The following CTXN2 variants were observed in gnomAD, a reference collection of about 807,000 sequenced individuals.
CTXN2 encodes cortexin 2, also known as cortexin-2.
A neutral mutation model predicts 5.7 loss-of-function variants in CTXN2; 3 were observed. That is an observed-to-expected ratio of 0.53 (90% CI 0.24 to 1.36). The LOEUF is 1.36. Ranked by LOEUF, CTXN2 falls within the 40% of genes most tolerant of loss-of-function variation. The pLI is 0.17. For synonymous variants in CTXN2, 38 were observed against 36.4 expected (o/e 1.04, Z -0.16); for missense variants, 87 against 93.0 (o/e 0.94, Z 0.26).
At chr15:48,194,086 A>G (rs188954692) in intron 1 of CTXN2, among the ~76,000 whole-genome samples, 1 of 152,230 alleles carries the variant, frequency 6.6e-6, no homozygotes, top group African/African-American at 2.4e-5. Flanking sequence ...TTTGAATATT[A>G]CTTTTTCAGT....
chr15:48,185,724 G>T (rs1258814308), intron 1 of CTXN2, among the ~76,000 whole-genome samples: 1 of 152,158 alleles, frequency 6.6e-6, no homozygotes. Flanking sequence ...ACAAAGATCA[G>T]GAAGAATTGT....
chr15:48,191,660 C>T (rs1381751413), upstream of CTXN2: 1 of 451,678 alleles, frequency 2.2e-6, no homozygotes, highest in Admixed American at 2.4e-5. Context: ...GCGCCCACGT[C>T]CTCTGTCTCA....
intron 1 of CTXN2, among the ~76,000 whole-genome samples, chr15:48,179,405 T>TCACACA (rs910892521): frequency 2.2e-5 from 1 of 44,908 alleles, no homozygotes. Flanking sequence ...AGCTACTTCA[T>TCACACA]CACACACACA....
upstream of CTXN2, among the ~76,000 whole-genome samples, chr15:48,186,909 CAAAA>C (rs751653728): frequency 2.2e-5 from 1 of 44,554 alleles, no homozygotes. Context: ...GACTCCATCT[CAAAA>C]AAAAAAAAAA....
At chr15:48,191,568 C>A (rs1555462447), upstream of CTXN2, 1 of 380,054 alleles carries the variant, frequency 2.6e-6, no homozygotes, top group Admixed American at 3.0e-5. Context: ...CACACGCGAG[C>A]GCAAATATTT....
upstream of CTXN2, chr15:48,191,140 AC>A (rs1305695096): frequency 6.6e-6 from 1 of 152,492 alleles, no homozygotes; most frequent in Non-Finnish European, 1.5e-5. Flanking sequence ...TCCAAACGAC[AC>A]ATTCAGTCTC....
chr15:48,183,157 C>T (rs563293131), intron 1 of CTXN2, among the ~76,000 whole-genome samples: 2 of 152,270 alleles, frequency 1.3e-5, no homozygotes, highest in African/African-American at 2.4e-5. Context: ...TGCTAAGTGT[C>T]AATAGGTAAT....
chr15:48,201,778 G>C lies in CTXN2; in HGVS notation c.*232G>C. On this transcript the variant is annotated 3_prime_UTR_variant, in exon 2 of 2. Coordinates refer to ENST00000417307, the MANE Select transcript of CTXN2 (RefSeq NM_001145668.2). The stretch of plus-strand genomic sequence containing the variant: ...TGAATAGAGCATAAGGATGGCTGCC[G>C]CCATGTTTACCATCTTTATTCTTAT... The C allele has an allele frequency of 1.9e-6, 1 of 516,494 alleles. No homozygotes were observed. The highest frequency in any genetic ancestry group is 3.6e-6 in the Non-Finnish European group (1 of 280,872). 32.0% of individuals were successfully genotyped at this position (516,494 alleles called of 1,614,324 possible).
At chr15:48,187,292 C>G (rs1396126443), upstream of CTXN2, among the ~76,000 whole-genome samples, 1 of 150,532 alleles carries the variant, frequency 6.6e-6, no homozygotes, top group Non-Finnish European at 1.5e-5. Flanking sequence ...AGCTAATTAC[C>G]AAACATCATC....
rs924937221 is a variant in CTXN2, at chr15:48,202,963, T to C, written c.*1417T>C. 6.0e-6 allele frequency: 1 copy of C among 166,362 alleles called. No individual in the cohort carries two copies. Among genetic ancestry groups the C allele is most frequent in the Non-Finnish European group, 1.5e-5 (1 of 68,118 alleles). The allele number at this position is 166,362 out of a possible 1,614,324, so 10.3% of individuals were successfully genotyped here. Reference sequence around the variant, plus strand: ...ATACCATGAAGGAACAAGACTAATATTACCAAGAGGTAGCACTAAGTTAGT... The same window carrying C: ...ATACCATGAAGGAACAAGACTAATACTACCAAGAGGTAGCACTAAGTTAGT... On this transcript the variant is annotated 3_prime_UTR_variant, in exon 2 of 2. Coordinates refer to ENST00000417307, the MANE Select transcript of CTXN2 (RefSeq NM_001145668.2).
At chr15:48,184,506 A>G (rs1202236122) in intron 1 of CTXN2, among the ~76,000 whole-genome samples, 1 of 152,232 alleles carries the variant, frequency 6.6e-6, no homozygotes, top group African/African-American at 2.4e-5. Flanking sequence ...ATATCCAAAA[A>G]CAAAGAAGAT....
intron 1 of CTXN2, among the ~76,000 whole-genome samples, chr15:48,199,049 G>A (rs1348050772): frequency 6.6e-6 from 1 of 152,160 alleles, no homozygotes; most frequent in Non-Finnish European, 1.5e-5. Context: ...CCATGGAAGA[G>A]TGGGGAATTA....
chr15:48,185,088 G>C (rs2040736113), intron 1 of CTXN2, among the ~76,000 whole-genome samples: 1 of 152,076 alleles, frequency 6.6e-6, no homozygotes, highest in Admixed American at 6.6e-5. Flanking sequence ...ATACATTCTG[G>C]AAAAGAGAAA....
chr15:48,182,765 A>C (rs2040710393), intron 1 of CTXN2, among the ~76,000 whole-genome samples: 1 of 152,208 alleles, frequency 6.6e-6, no homozygotes, highest in Non-Finnish European at 1.5e-5. Flanking sequence ...AAAGGATTTA[A>C]TGCATAAAGT....
chr15:48,183,238 A>G (rs1000940659), intron 1 of CTXN2, among the ~76,000 whole-genome samples: 4 of 152,178 alleles, frequency 2.6e-5, no homozygotes, highest in African/African-American at 7.2e-5. Context: ...CAGTTACCCT[A>G]TGTGTGCAAT....
At chr15:48,197,087 C>A (rs538003767) in intron 1 of CTXN2, among the ~76,000 whole-genome samples, 1 of 150,496 alleles carries the variant, frequency 6.6e-6, no homozygotes, top group Non-Finnish European at 1.5e-5. Context: ...AGTAGTTCTG[C>A]CTTTTTTTGT....
In CTXN2 at chr15:48,202,704, C is replaced by T. The variant is rs1305788322; in HGVS notation, c.*1158C>T. 6.0e-6 allele frequency: 1 copy of T among 166,978 alleles called. No homozygotes were observed. Among genetic ancestry groups the T allele is most frequent in the African/African-American group, 2.4e-5 (1 of 41,454 alleles). 10.3% of individuals were successfully genotyped at this position (166,978 alleles called of 1,614,324 possible). A position where few individuals can be genotyped will look rare whatever the true frequency, so the allele number is the denominator to read the frequency against. On this transcript the variant is annotated 3_prime_UTR_variant, in exon 2 of 2. Transcript: ENST00000417307. ...CCTTGCTATCAATATTTATTGTCCTCATCAGTAGCAGTAATAGAGATTCTC... is the reference window on the plus strand; with the variant it reads ...CCTTGCTATCAATATTTATTGTCCTTATCAGTAGCAGTAATAGAGATTCTC...
At chr15:48,197,437 TAGAG>T (rs2040890345) in intron 1 of CTXN2, among the ~76,000 whole-genome samples, 1 of 151,976 alleles carries the variant, frequency 6.6e-6, no homozygotes, top group African/African-American at 2.4e-5. Flanking sequence ...TATGGATATA[TAGAG>T]ATAGATATTT....
intron 1 of CTXN2, among the ~76,000 whole-genome samples, chr15:48,198,154 G>C (rs2040896545): frequency 6.6e-6 from 1 of 152,118 alleles, no homozygotes; most frequent in South Asian, 2.1e-4. Context: ...TAAAAATGAT[G>C]TAAGTCTGAG....
Sources: allele counts gnomAD v4.1 joint callset (sites outside exome capture counted in the v4.1 genomes callset), GRCh38; gene constraint gnomAD v4.1.1; transcripts MANE v1.5; gene names NCBI Gene and HGNC (gene_info 2026-07-23, HGNC 2026-07-21).